The following CSNK1A1 variants were observed in gnomAD, a reference collection of about 807,000 sequenced individuals.
CSNK1A1 encodes the protein casein kinase I isoform alpha.
A neutral mutation model predicts 46.1 loss-of-function variants in CSNK1A1; 7 were observed. The ratio of observed to expected loss-of-function variants is 0.15; its 90% confidence interval spans 0.09 to 0.29. The LOEUF (loss-of-function observed/expected upper bound fraction) is 0.29, where lower values mean the gene tolerates loss of function less well. Among genes scored for constraint, CSNK1A1 ranks in the 10% least tolerant of loss-of-function variants. The pLI is 1.00. For synonymous variants in CSNK1A1, 137 were observed against 141.5 expected, an observed-to-expected ratio of 0.97 and a Z score of 0.23; for missense variants, 96 against 417.1, an observed-to-expected ratio of 0.23 and a Z score of 6.71.
At chr5:149,537,493 G>A (rs1762095013) in intron 2 of CSNK1A1, among the ~76,000 whole-genome samples, 1 of 152,036 alleles carries the variant, frequency 6.6e-6, no homozygotes, top group Admixed American at 6.6e-5. Flanking sequence ...ACCCTCAACA[G>A]CTTGATACAA....
At position 149,550,525 on chromosome 5, in the gene CSNK1A1, A is replaced by C. The variant is rs1271677114; in HGVS notation, c.123+317T>G. ...TAGAATTAAGAATTAAAAAAAAAAA[A>C]ACATGGGAATCACTGAAAGAGGATT... On this transcript the variant is annotated intron_variant, in intron 1 of 9. Transcript: ENST00000377843. The surrounding 1 kb of genome is among the most constrained non-coding windows in gnomAD (Gnocchi z 4.3). Among the ~76,000 whole-genome samples, 14 of 152,056 alleles carry C rather than the reference A, an allele frequency of 9.2e-5. No homozygotes were observed. In the South Asian group the frequency reaches 2.9e-3, roughly 32 times the overall value.
chr5:149,496,813 C>A lies in CSNK1A1; in HGVS notation c.*40G>T. 6.4e-7 allele frequency: 1 copy of A among 1,555,974 alleles called. No homozygotes were observed. Among genetic ancestry groups the A allele is most frequent in the South Asian group, 1.2e-5 (1 of 82,862 alleles). On this transcript the variant is annotated 3_prime_UTR_variant, in exon 10 of 10. Transcript: ENST00000377843. ...GATTTGGGGAGAAACAAATGCTGCT[C>A]CGATCATCTGCTCTGCTTCTTCTGT...
chr5:149,544,737 T>TTATATATATATATA lies in CSNK1A1; in HGVS notation c.230+5324_230+5337dup, dbSNP rs375444306. Among the ~76,000 whole-genome samples the TTATATATATATATA allele has an allele frequency of 8.8e-3, 711 of 80,710 alleles. 34 individuals are homozygous for TTATATATATATATA. Among genetic ancestry groups the TTATATATATATATA allele is most frequent in the African/African-American group, 0.025 (389 of 15,286 alleles). The allele number at this position is 80,710 out of a possible 152,430, so 52.9% of individuals were successfully genotyped here. On this transcript the variant is annotated intron_variant, in intron 2 of 9. Transcript: ENST00000377843. The stretch of plus-strand genomic sequence containing the variant: ...GTGAGGATGATGAGGGTAAAGAGCT[T>TTATATATATATATA]TATATATATATATATATATATATAT...
intron 2 of CSNK1A1, among the ~76,000 whole-genome samples, chr5:149,547,993 C>T (rs923466929): frequency 2.9e-4 from 44 of 152,156 alleles, no homozygotes; most frequent in African/African-American, 9.6e-4. Context: ...GCTTCAGCCT[C>T]CCGAGTAGCT....
At position 149,539,721 on chromosome 5, in the gene CSNK1A1, C is replaced by CT. The variant is rs527400053; in HGVS notation, c.230+10353dup. On this transcript the variant is annotated intron_variant, in intron 2 of 9. Coordinates refer to ENST00000377843, the MANE Select transcript of CSNK1A1 (RefSeq NM_001892.6). ...ATACTTGCAGTTAGGGATTAGTTGT[C>CT]TTTTTTTTTTAACTTTGCCATTTGA... Among the ~76,000 whole-genome samples the CT allele has an allele frequency of 3.2e-3, 470 of 148,192 alleles. 3 individuals carry two copies. Among genetic ancestry groups the CT allele is most frequent in the African/African-American group, 0.01 (417 of 40,442 alleles).
intron 6 of CSNK1A1, among the ~76,000 whole-genome samples, chr5:149,511,029 T>C (rs1463570553): frequency 6.6e-6 from 1 of 152,102 alleles, no homozygotes; most frequent in Non-Finnish European, 1.5e-5. Flanking sequence ...AAAATAGCCA[T>C]TAAAATTTAG....
At chr5:149,535,392 T>C (rs1052697540) in intron 2 of CSNK1A1, among the ~76,000 whole-genome samples, 8 of 152,250 alleles carry the variant, frequency 5.3e-5, no homozygotes, top group South Asian at 2.1e-4. Context: ...AATATGCCAT[T>C]CACCTTAATT....
At chr5:149,511,925 T>C in intron 5 of CSNK1A1, 53 bp from the exon 6 acceptor site, 1 of 1,403,888 alleles carries the variant, frequency 7.1e-7, no homozygotes, top group Non-Finnish European at 1.0e-6. Context: ...TGAAAAAACA[T>C]ATGAAAGAAA....
intron 2 of CSNK1A1, among the ~76,000 whole-genome samples, chr5:149,532,825 A>G (rs1761943647): frequency 6.6e-6 from 1 of 152,104 alleles, no homozygotes. Context: ...TAAAAATGTA[A>G]TTTTCCTTAC....
chr5:149,539,609 AATT>A (rs1230787868), intron 2 of CSNK1A1, among the ~76,000 whole-genome samples: 1 of 152,070 alleles, frequency 6.6e-6, no homozygotes, highest in African/African-American at 2.4e-5. Context: ...GATTAATAAC[AATT>A]ATTAATTGTT....
At chr5:149,503,242 G>A in intron 9 of CSNK1A1, 1 of 985,422 alleles carries the variant, frequency 1.0e-6, no homozygotes, top group Non-Finnish European at 1.2e-6. Flanking sequence ...GAAGTTAGGG[G>A]AATATGTTCC....
chr5:149,547,903 GCT>G (rs1277271837), intron 2 of CSNK1A1, among the ~76,000 whole-genome samples: 3 of 150,772 alleles, frequency 2.0e-5, no homozygotes, highest in Admixed American at 6.6e-5. Context: ...ATGGCGTCTC[GCT>G]CTGTCACCAG....
intron 2 of CSNK1A1, among the ~76,000 whole-genome samples, chr5:149,542,634 A>ACAAG (rs1561772459): frequency 9.6e-5 from 1 of 10,416 alleles, no homozygotes; most frequent in African/African-American, 6.8e-4. Flanking sequence ...ATATATATAT[A>ACAAG]TATATGTATA....
intron 7 of CSNK1A1, among the ~76,000 whole-genome samples, chr5:149,507,981 G>T (rs1761089999): frequency 6.6e-6 from 1 of 152,106 alleles, no homozygotes; most frequent in South Asian, 2.1e-4. Flanking sequence ...CTAGGTATCA[G>T]TCACCAAAAG....
intron 2 of CSNK1A1, among the ~76,000 whole-genome samples, chr5:149,542,247 C>A (rs1389400161): frequency 6.6e-6 from 1 of 151,960 alleles, no homozygotes; most frequent in East Asian, 1.9e-4. Flanking sequence ...GCCTGACGAT[C>A]TGTTACTGTC....
At chr5:149,529,277 ATTAC>A (rs542092217) in intron 2 of CSNK1A1, among the ~76,000 whole-genome samples, 17 of 152,336 alleles carry the variant, frequency 1.1e-4, no homozygotes, top group Admixed American at 9.8e-4. Flanking sequence ...CACAACCATT[ATTAC>A]TTACTTACAG....
intron 9 of CSNK1A1, chr5:149,498,296 G>C: frequency 1.0e-6 from 1 of 985,192 alleles, no homozygotes; most frequent in Non-Finnish European, 1.2e-6. Flanking sequence ...TGTTGCCTGG[G>C]TACTAAGTCC....
Position 149,550,008 on chromosome 5 carries a change from C to T in CSNK1A1, c.230+67G>A. 1 of 1,554,870 alleles carries T rather than the reference C, an allele frequency of 6.4e-7. No homozygotes were observed. The highest frequency in any genetic ancestry group is 8.7e-7 in the Non-Finnish European group (1 of 1,146,116). ...ACCCGGATTCAGCTGGTCTCATTAC[C>T]TGCCTCTACCCACTTCCCCATTCCG... On this transcript the variant is annotated intron_variant, in intron 2 of 9. Coordinates refer to ENST00000377843, the MANE Select transcript of CSNK1A1 (RefSeq NM_001892.6). The surrounding 1 kb of genome is among the most constrained non-coding windows in gnomAD (Gnocchi z 4.3).
chr5:149,523,320 C>T (rs1267952933), intron 3 of CSNK1A1, among the ~76,000 whole-genome samples: 5 of 152,084 alleles, frequency 3.3e-5, no homozygotes, highest in Non-Finnish European at 7.3e-5. Flanking sequence ...GGACTGTAGG[C>T]ATGAGCCACC....
Sources: allele counts gnomAD v4.1 joint callset (sites outside exome capture counted in the v4.1 genomes callset), GRCh38; gene constraint gnomAD v4.1.1; non-coding constraint Gnocchi (gnomAD v3.1); transcripts MANE v1.5; gene names NCBI Gene and HGNC (gene_info 2026-07-23, HGNC 2026-07-21).